Variants in DIAPH3 observed in about 807,000 individuals in gnomAD.
The protein encoded by DIAPH3 is protein diaphanous homolog 3.
A neutral mutation model predicts 144.3 loss-of-function variants in DIAPH3; 117 were observed. That is an observed-to-expected ratio of 0.81 (90% confidence interval 0.70 to 0.95). The LOEUF is 0.95. Ranked by LOEUF, DIAPH3 falls within the 40% of genes least tolerant of loss-of-function variation. DIAPH3 has a pLI of 0.00. For synonymous variants in DIAPH3, 519 were observed against 488.9 expected (o/e 1.06, Z -0.81); for missense variants, 1,421 against 1,412.7 (o/e 1.01, Z -0.09).
chr13:60,046,393 T>C (rs1008173340), intron 4 of DIAPH3, among the ~76,000 whole-genome samples: 14 of 152,154 alleles, frequency 9.2e-5, no homozygotes, highest in Non-Finnish European at 1.6e-4. Flanking sequence ...CACTGGTCAT[T>C]AGAGAAATGC....
intron 1 of DIAPH3, among the ~76,000 whole-genome samples, chr13:60,152,110 G>C (rs1566829395): frequency 6.6e-6 from 1 of 152,026 alleles, no homozygotes; most frequent in African/African-American, 2.4e-5. Context: ...CAGCAATTAC[G>C]GGATAAACTC....
intron 4 of DIAPH3, among the ~76,000 whole-genome samples, chr13:60,064,871 C>T (rs2670485): frequency 0.65 from 98,528 of 151,336 alleles, 32,690 homozygotes; most frequent in African/African-American, 0.74. Flanking sequence ...TTCTTCCTTT[C>T]ACTGAACACT....
chr13:60,032,057 T>C (rs1402060809), intron 5 of DIAPH3, among the ~76,000 whole-genome samples: 1 of 152,122 alleles, frequency 6.6e-6, no homozygotes, highest in Non-Finnish European at 1.5e-5. Context: ...TCCAAAATAA[T>C]CTTCTTGACT....
chr13:59,891,923 T>C (rs2045823737), intron 20 of DIAPH3, among the ~76,000 whole-genome samples: 1 of 152,012 alleles, frequency 6.6e-6, no homozygotes, highest in African/African-American at 2.4e-5. Context: ...AGACTTAACT[T>C]TACTCATTCA....
intron 27 of DIAPH3, among the ~76,000 whole-genome samples, chr13:59,745,394 T>C (rs2036651533): frequency 6.6e-6 from 1 of 152,152 alleles, no homozygotes; most frequent in Non-Finnish European, 1.5e-5. Flanking sequence ...GCAAAATATC[T>C]TGGAAGAGGT....
intron 24 of DIAPH3, among the ~76,000 whole-genome samples, chr13:59,825,832 T>G (rs894325809): frequency 6.6e-6 from 1 of 152,276 alleles, no homozygotes; most frequent in Admixed American, 6.5e-5. Context: ...CATAAATGTC[T>G]TCTTTTCAGA....
intron 26 of DIAPH3, 149 bp downstream of exon 26, chr13:59,774,579 A>G (rs2139280305): frequency 1.3e-6 from 1 of 787,276 alleles, no homozygotes; most frequent in Middle Eastern, 2.3e-4. Flanking sequence ...TTGTCTGTGC[A>G]AGGGATTAAG....
At chr13:60,002,271 C>G in intron 9 of DIAPH3, among the ~76,000 whole-genome samples, 1 of 152,140 alleles carries the variant, frequency 6.6e-6, no homozygotes, top group South Asian at 2.1e-4. Flanking sequence ...ACAGTCTCTC[C>G]TGAACTTAAT....
intron 19 of DIAPH3, among the ~76,000 whole-genome samples, chr13:59,912,426 A>C (rs1335465248): frequency 6.6e-6 from 1 of 152,174 alleles, no homozygotes; most frequent in Non-Finnish European, 1.5e-5. Flanking sequence ...TTGAAGACAC[A>C]TGATGATTGA....
At chr13:59,983,228 C>T (rs1244568918) in intron 13 of DIAPH3, among the ~76,000 whole-genome samples, 3 of 135,218 alleles carry the variant, frequency 2.2e-5, no homozygotes, top group Non-Finnish European at 3.2e-5. Context: ...AAAAAGGCTT[C>T]GGGGGGGACA....
intron 25 of DIAPH3, among the ~76,000 whole-genome samples, chr13:59,798,065 A>G (rs2039705689): frequency 6.6e-6 from 1 of 152,082 alleles, no homozygotes; most frequent in Non-Finnish European, 1.5e-5. Flanking sequence ...CCTGTTCATG[A>G]AGTATTCTCC....
chr13:59,840,947 A>C (rs1418745962), intron 22 of DIAPH3, among the ~76,000 whole-genome samples: 2 of 80,712 alleles, frequency 2.5e-5, no homozygotes, highest in African/African-American at 7.7e-5. Flanking sequence ...TACCTTTTTA[A>C]CTATTTAAAT....
chr13:59,888,287 T>C (rs987647396), intron 20 of DIAPH3, among the ~76,000 whole-genome samples: 21 of 152,024 alleles, frequency 1.4e-4, no homozygotes, highest in African/African-American at 4.1e-4. Flanking sequence ...GAAGGCAACA[T>C]ATATGAATCA....
intron 3 of DIAPH3, among the ~76,000 whole-genome samples, chr13:60,102,581 T>C (rs2137987717): frequency 6.6e-6 from 1 of 152,298 alleles, no homozygotes; most frequent in African/African-American, 2.4e-5. Context: ...ACTGAGCAAT[T>C]GCTGCTCCTA....
At chr13:60,008,276 G>C (rs187246826) in intron 9 of DIAPH3, among the ~76,000 whole-genome samples, 2 of 152,074 alleles carry the variant, frequency 1.3e-5, no homozygotes, top group African/African-American at 4.8e-5. Context: ...GGCGCCTGTA[G>C]TCCCAGCTAC....
intron 4 of DIAPH3, among the ~76,000 whole-genome samples, chr13:60,046,550 G>A (rs1010809229): frequency 6.6e-6 from 1 of 152,144 alleles, no homozygotes; most frequent in Non-Finnish European, 1.5e-5. Context: ...CAACCATTGT[G>A]GAAGACAGTA....
At chr13:59,689,815 A>C (rs2033410483) in intron 27 of DIAPH3, among the ~76,000 whole-genome samples, 1 of 150,488 alleles carries the variant, frequency 6.6e-6, no homozygotes, top group East Asian at 1.9e-4. Flanking sequence ...GTGTGTATGT[A>C]TGTTATGCAA....
At chr13:59,740,494 TAA>T (rs1387130779) in intron 27 of DIAPH3, among the ~76,000 whole-genome samples, 1 of 152,208 alleles carries the variant, frequency 6.6e-6, no homozygotes, top group Non-Finnish European at 1.5e-5. Flanking sequence ...TGGTGACATT[TAA>T]TTAGCCTGTT....
At chr13:59,730,506 C>G (rs1295728032) in intron 27 of DIAPH3, among the ~76,000 whole-genome samples, 2 of 152,082 alleles carry the variant, frequency 1.3e-5, no homozygotes, top group African/African-American at 2.4e-5. Context: ...TGGAATGCAT[C>G]ACAGAAAAGT....
Sources: allele counts gnomAD v4.1 joint callset (sites outside exome capture counted in the v4.1 genomes callset), GRCh38; gene constraint gnomAD v4.1.1; transcripts MANE v1.5; gene names NCBI Gene and HGNC (gene_info 2026-07-23, HGNC 2026-07-21).